PACRG: variants seen among roughly 807,000 people sequenced by gnomAD.
PACRG encodes the protein parkin coregulated.
A neutral mutation model predicts 29.7 loss-of-function variants in PACRG; 29 were observed. That is an observed-to-expected ratio of 0.98 (90% CI 0.73 to 1.33). The LOEUF (loss-of-function observed/expected upper bound fraction) is 1.33, where lower values mean the gene tolerates loss of function less well. PACRG is among the 40% of genes most tolerant of loss of function. The pLI is 0.00. For missense variants in PACRG, 279 were observed against 316.2 expected (o/e 0.88, Z 0.89); for synonymous variants, 116 against 118.7 (o/e 0.98, Z 0.15).
chr6:163,119,894 T>C (rs1816189806), intron 4 of PACRG, among the ~76,000 whole-genome samples: 1 of 152,192 alleles, frequency 6.6e-6, no homozygotes, highest in African/African-American at 2.4e-5. Flanking sequence ...ATTTTGGGGC[T>C]TATTATTCAA....
chr6:163,208,135 G>A (rs942859016), intron 4 of PACRG, among the ~76,000 whole-genome samples: 3 of 152,138 alleles, frequency 2.0e-5, no homozygotes, highest in Admixed American at 2.0e-4. Flanking sequence ...AGTTAAACTT[G>A]GTGTTATCCT....
At chr6:163,198,067 T>C (rs1432026276) in intron 4 of PACRG, among the ~76,000 whole-genome samples, 1 of 152,244 alleles carries the variant, frequency 6.6e-6, no homozygotes, top group African/African-American at 2.4e-5. Context: ...TCTGTGCTGA[T>C]GTCTTGAGGA....
intron 4 of PACRG, among the ~76,000 whole-genome samples, chr6:163,244,701 G>A (rs1390794926): frequency 6.6e-6 from 1 of 152,128 alleles, no homozygotes; most frequent in African/African-American, 2.4e-5. Context: ...TCTGTCCTCC[G>A]AAGGCACCAA....
At chr6:162,761,996 A>G (rs1006758598) in intron 1 of PACRG, among the ~76,000 whole-genome samples, 1 of 145,118 alleles carries the variant, frequency 6.9e-6, no homozygotes, top group Non-Finnish European at 1.5e-5. Flanking sequence ...CACTAAATTT[A>G]CATGTTATAA....
intron 4 of PACRG, among the ~76,000 whole-genome samples, chr6:163,188,428 G>T (rs1585314562): frequency 6.6e-6 from 1 of 152,100 alleles, no homozygotes; most frequent in South Asian, 2.1e-4. Flanking sequence ...AAAATCTAAC[G>T]TCATCTCTTA....
chr6:162,985,273 T>TATTG (rs1802789195), intron 2 of PACRG, among the ~76,000 whole-genome samples: 2 of 152,014 alleles, frequency 1.3e-5, no homozygotes, highest in South Asian at 4.1e-4. Context: ...TACAGACCAA[T>TATTG]ATCCCTGATG....
chr6:162,835,914 T>C (rs961278566), intron 2 of PACRG, among the ~76,000 whole-genome samples: 5 of 152,166 alleles, frequency 3.3e-5, no homozygotes, highest in Admixed American at 1.3e-4. Flanking sequence ...AAAATTGTTC[T>C]TTCCAGTAGG....
At chr6:163,128,887 TA>T (rs1271542389) in intron 4 of PACRG, among the ~76,000 whole-genome samples, 1 of 152,338 alleles carries the variant, frequency 6.6e-6, no homozygotes, top group South Asian at 2.1e-4. Context: ...GAACGTATAA[TA>T]AAAAAGCCCA....
intron 2 of PACRG, among the ~76,000 whole-genome samples, chr6:163,043,564 C>T (rs866290865): frequency 2.2e-4 from 34 of 151,802 alleles, no homozygotes; most frequent in African/African-American, 8.0e-4. Flanking sequence ...AAAAAAAAAT[C>T]ATCAGTTCGA....
intron 4 of PACRG, among the ~76,000 whole-genome samples, chr6:163,262,686 A>G (rs934476882): frequency 1.3e-5 from 2 of 152,088 alleles, no homozygotes; most frequent in Non-Finnish European, 2.9e-5. Context: ...TCATGGTTCT[A>G]TAACAGTCTC....
intron 4 of PACRG, among the ~76,000 whole-genome samples, chr6:163,152,234 GA>G (rs1381320509): frequency 6.6e-6 from 1 of 152,152 alleles, no homozygotes; most frequent in Non-Finnish European, 1.5e-5. Context: ...ACTAATTAGT[GA>G]GAAAAAGGAA....
intron 1 of PACRG, among the ~76,000 whole-genome samples, chr6:162,734,878 CTGTCTCTT>C (rs1417362798): frequency 6.6e-6 from 1 of 152,206 alleles, no homozygotes; most frequent in African/African-American, 2.4e-5. Context: ...AGAACCCCAT[CTGTCTCTT>C]TGTAGTCACT....
chr6:163,197,589 G>T (rs1357987170), intron 4 of PACRG, among the ~76,000 whole-genome samples: 1 of 149,068 alleles, frequency 6.7e-6, no homozygotes, highest in African/African-American at 2.5e-5. Flanking sequence ...GACTACAGGC[G>T]CCCGCCACCA....
chr6:162,784,887 T>C (rs965836590), intron 1 of PACRG, among the ~76,000 whole-genome samples: 23 of 152,238 alleles, frequency 1.5e-4, no homozygotes, highest in Admixed American at 1.4e-3. Flanking sequence ...TGGTTAGTTT[T>C]CAAGCACAGA....
intron 3 of PACRG, among the ~76,000 whole-genome samples, chr6:163,075,733 T>G (rs1389237231): frequency 6.6e-6 from 1 of 152,214 alleles, no homozygotes; most frequent in Non-Finnish European, 1.5e-5. Flanking sequence ...AGAAAGGAAT[T>G]CCCTTAATCT....
intron 2 of PACRG, among the ~76,000 whole-genome samples, chr6:162,890,457 C>A (rs1398057152): frequency 6.6e-6 from 1 of 152,188 alleles, no homozygotes; most frequent in African/African-American, 2.4e-5. Context: ...GTTTTCCCAT[C>A]AGCATTTACC....
chr6:162,792,431 G>A (rs58166151), intron 1 of PACRG, among the ~76,000 whole-genome samples: 7,774 of 152,208 alleles, frequency 0.051, 683 homozygotes, highest in African/African-American at 0.18. Context: ...GTCTTAGAGT[G>A]GGATATATGA....
chr6:163,044,346 T>G (rs1224569993), intron 2 of PACRG, among the ~76,000 whole-genome samples: 3 of 152,148 alleles, frequency 2.0e-5, no homozygotes, highest in Admixed American at 2.0e-4. Context: ...TTTTAAATTT[T>G]TTTGTAGAGA....
chr6:163,308,796 C>CA (rs1785291200), intron 4 of PACRG, among the ~76,000 whole-genome samples: 1 of 152,098 alleles, frequency 6.6e-6, no homozygotes, highest in African/African-American at 2.4e-5. Flanking sequence ...AGACCTGAGC[C>CA]AGGCCGCCAG....
Sources: allele counts gnomAD v4.1 joint callset (sites outside exome capture counted in the v4.1 genomes callset), GRCh38; gene constraint gnomAD v4.1.1; transcripts MANE v1.5; gene names NCBI Gene and HGNC (gene_info 2026-07-23, HGNC 2026-07-21).